ARMC2: variants seen among roughly 807,000 people sequenced by gnomAD.
ARMC2 encodes the protein armadillo repeat-containing protein 2.
Under a neutral mutation model 90.3 loss-of-function variants are expected in ARMC2, and 67 were observed. That is an observed-to-expected ratio of 0.74 (90% CI 0.61 to 0.91). The LOEUF (loss-of-function observed/expected upper bound fraction) is 0.91. Among genes scored for constraint, ARMC2 ranks in the 40% least tolerant of loss-of-function variants. The pLI is 0.00. For synonymous variants in ARMC2, 393 were observed against 393.0 expected (o/e 1.00, Z 0.00); for missense variants, 920 against 1,030.9 (o/e 0.89, Z 1.47).
chr6:108,852,541 T>TA (rs2128413070), intron 1 of ARMC2, among the ~76,000 whole-genome samples: 1 of 152,312 alleles, frequency 6.6e-6, no homozygotes, highest in Non-Finnish European at 1.5e-5. Context: ...TTGACCTGAG[T>TA]AAATGTTCCT....
the ARMC2 span, chr6:108,988,783 TTC>T: frequency 9.5e-5 from 97 of 1,017,156 alleles, no homozygotes; most frequent in African/African-American, 1.4e-3. Context: ...ACTGTATTTT[TTC>T]TCTCTTTGTG....
chr6:108,957,496 G>GT (rs1437687666), intron 13 of ARMC2, among the ~76,000 whole-genome samples: 1 of 152,196 alleles, frequency 6.6e-6, no homozygotes, highest in Non-Finnish European at 1.5e-5. Context: ...CCGTGGTTTG[G>GT]TTGTGCCCAC....
intron 12 of ARMC2, among the ~76,000 whole-genome samples, chr6:108,941,355 A>G (rs557894375): frequency 2.0e-5 from 3 of 152,258 alleles, no homozygotes; most frequent in Admixed American, 2.0e-4. Context: ...GTACACTCAG[A>G]GCTAAGAACC....
At chr6:109,027,976 T>C in the ARMC2 span, among the ~76,000 whole-genome samples, 1 of 152,220 alleles carries the variant, frequency 6.6e-6, no homozygotes, top group Admixed American at 6.5e-5. Flanking sequence ...TACTTTGATA[T>C]ATGTGTTATA....
intron 5 of ARMC2, 106 bp from the exon 6 acceptor site, chr6:108,894,361 C>A: frequency 1.1e-6 from 1 of 937,912 alleles, no homozygotes; most frequent in Non-Finnish European, 1.6e-6. Context: ...AGAGTGAGAC[C>A]TATCTCAAAA....
chr6:108,884,673 G>C (rs1284818331), intron 5 of ARMC2, among the ~76,000 whole-genome samples: 1 of 152,216 alleles, frequency 6.6e-6, no homozygotes, highest in Non-Finnish European at 1.5e-5. Context: ...AGCATGTCTG[G>C]AAGGGAAGTT....
the ARMC2 span, among the ~76,000 whole-genome samples, chr6:109,007,574 T>C: frequency 2.0e-5 from 3 of 152,182 alleles, no homozygotes; most frequent in East Asian, 1.9e-4. Context: ...AGATATGTTA[T>C]ATAAAAAGTG....
At chr6:108,866,468 C>CT (rs894375423) in intron 3 of ARMC2, among the ~76,000 whole-genome samples, 3 of 152,206 alleles carry the variant, frequency 2.0e-5, no homozygotes, top group Non-Finnish European at 2.9e-5. Flanking sequence ...GCGTCAGAGG[C>CT]TAGGGCCTTG....
At chr6:108,998,772 A>G in the ARMC2 span, 1 of 1,592,126 alleles carries the variant, frequency 6.3e-7, no homozygotes, top group Non-Finnish European at 8.6e-7. Context: ...GGGAAAAAAA[A>G]AAAGAATATA....
intron 10 of ARMC2, among the ~76,000 whole-genome samples, chr6:108,925,838 A>G (rs1420451882): frequency 6.6e-6 from 1 of 152,228 alleles, no homozygotes; most frequent in African/African-American, 2.4e-5. Flanking sequence ...ATATTACTCA[A>G]CTGTGTGTAT....
At chr6:108,921,179 T>A (rs900840735) in intron 10 of ARMC2, among the ~76,000 whole-genome samples, 4 of 152,232 alleles carry the variant, frequency 2.6e-5, no homozygotes, top group African/African-American at 7.2e-5. Flanking sequence ...CCATTCTAGA[T>A]TGTTTGTATG....
intron 12 of ARMC2, among the ~76,000 whole-genome samples, chr6:108,941,736 C>A (rs1249665124): frequency 1.3e-5 from 2 of 152,136 alleles, no homozygotes; most frequent in Non-Finnish European, 2.9e-5. Context: ...ACAAAGTTTA[C>A]CGTGGTATCG....
the ARMC2 span, among the ~76,000 whole-genome samples, chr6:109,017,958 G>A: frequency 1.3e-5 from 2 of 152,154 alleles, no homozygotes; most frequent in Non-Finnish European, 2.9e-5. Flanking sequence ...TTTGAGGCCA[G>A]GAGTTTGAGA....
the ARMC2 span, among the ~76,000 whole-genome samples, chr6:108,985,464 CTG>C: frequency 6.6e-6 from 1 of 152,156 alleles, no homozygotes; most frequent in African/African-American, 2.4e-5. Context: ...ATTAGAAATC[CTG>C]TGTGTTTAGT....
intron 5 of ARMC2, among the ~76,000 whole-genome samples, chr6:108,881,044 T>C (rs781036408): frequency 1.3e-5 from 2 of 151,782 alleles, no homozygotes; most frequent in Non-Finnish European, 2.9e-5. Context: ...TTAGTAGAGA[T>C]GGGGTTTCAC....
the ARMC2 span, chr6:108,998,376 T>C: frequency 1.1e-6 from 1 of 942,190 alleles, no homozygotes; most frequent in Non-Finnish European, 1.6e-6. Context: ...AAAACCCTAC[T>C]GAATGAATAG....
At chr6:108,943,272 A>G (rs1003301673) in intron 12 of ARMC2, among the ~76,000 whole-genome samples, 1 of 152,208 alleles carries the variant, frequency 6.6e-6, no homozygotes, top group African/African-American at 2.4e-5. Context: ...ATATTCGAGT[A>G]TATAAAGTCT....
chr6:108,915,818 A>C (rs906845841), intron 10 of ARMC2, among the ~76,000 whole-genome samples: 24 of 152,154 alleles, frequency 1.6e-4, no homozygotes, highest in Non-Finnish European at 3.4e-4. Context: ...AGGTGAGTGC[A>C]TGGGGGGACG....
chr6:108,977,264 T>G (rs962631258), downstream of ARMC2, among the ~76,000 whole-genome samples: 5 of 152,170 alleles, frequency 3.3e-5, no homozygotes, highest in Non-Finnish European at 7.4e-5. Flanking sequence ...TAATCATGTG[T>G]TTTTTGTCAT....
Sources: gnomAD v4.1 joint callset for allele counts (sites outside exome capture counted in the v4.1 genomes callset) on GRCh38, gnomAD v4.1.1 for gene constraint, MANE v1.5 for transcripts, NCBI Gene and HGNC (gene_info 2026-07-23, HGNC 2026-07-21) for gene names.